ANK3: variants seen among roughly 807,000 people sequenced by gnomAD.
ANK3 encodes the protein ankyrin 3.
In ANK3, 57 loss-of-function variants were observed where a neutral mutation model predicts 370.9. That is an observed-to-expected ratio of 0.15 (90% CI 0.12 to 0.19). The LOEUF (loss-of-function observed/expected upper bound fraction) is 0.19. Among genes scored for constraint, ANK3 ranks in the 10% least tolerant of loss-of-function variants. The pLI, the probability that ANK3 is intolerant of heterozygous loss-of-function variation, is 1.00. For synonymous variants in ANK3, 1,929 were observed against 1,946.3 expected, an observed-to-expected ratio of 0.99 and a Z score of 0.23; for missense variants, 4,439 against 5,302.1, an observed-to-expected ratio of 0.84 and a Z score of 5.06.
At chr10:60,353,040 G>C (rs186236388) in intron 1 of ANK3, among the ~76,000 whole-genome samples, 185 of 152,208 alleles carry the variant, frequency 1.2e-3, no homozygotes, top group African/African-American at 4.2e-3. Context: ...CTGGAGTGCA[G>C]AGGCGTGATC....
chr10:60,462,009 C>T (rs540291081), intron 2 of ANK3, among the ~76,000 whole-genome samples: 6 of 152,110 alleles, frequency 3.9e-5, no homozygotes, highest in South Asian at 4.2e-4. Flanking sequence ...TACAGGTTTA[C>T]GGATGGGCAA....
At chr10:60,621,548 A>T (rs1388005543) in intron 1 of ANK3, among the ~76,000 whole-genome samples, 1 of 152,172 alleles carries the variant, frequency 6.6e-6, no homozygotes, top group Non-Finnish European at 1.5e-5. Context: ...GGGTCGTGTA[A>T]TTCATGGCAG....
chr10:60,171,108 A>G (rs1388652076), intron 21 of ANK3, among the ~76,000 whole-genome samples: 1 of 152,158 alleles, frequency 6.6e-6, no homozygotes, highest in Non-Finnish European at 1.5e-5. Flanking sequence ...ACTTTTTTTG[A>G]GAACTTAATG....
Position 60,075,220 on chromosome 10 carries a change from A to C in ANK3, c.5661T>G (p.Leu1887=). 6.2e-7 allele frequency: 1 copy of C among 1,614,142 alleles called. No homozygotes were observed. The highest frequency in any genetic ancestry group is 8.5e-7 in the Non-Finnish European group (1 of 1,180,016). ...ATAAAGAAGATGGTGTAGACAACTT[A>C]AGGGCAGAGGGTGCAAGGAACAAAG... ...KSSLFLAPSA[L]KLSTPSSLSS... is the part of the protein sequence containing the mutation. Residue 1887 remains leucine (L), a synonymous_variant, in exon 37 of 44, where the codon CTT becomes CTG. Coordinates refer to ENST00000280772, the MANE Select transcript of ANK3 (RefSeq NM_020987.5).
rs773386686 is a variant in ANK3, at chr10:60,076,178, G to A, written c.4703C>T (p.Ala1568Val). 12 of 1,614,050 alleles carry A rather than the reference G, an allele frequency of 7.4e-6. No homozygotes were observed. Among genetic ancestry groups the A allele is most frequent in the South Asian group, 5.5e-5 (5 of 91,092 alleles). The change falls in exon 37 of 44, where the codon GCA becomes GTA. Residue 1568 changes from alanine (A) to valine (V), a missense_variant. Physicochemically the swap from Ala to Val is moderately conservative, Grantham distance 64. Around this residue, in one of 13 missense-constraint regions of ANK3, gnomAD observed 679 missense variants for 791.0 expected, o/e 0.86. Coordinates refer to ENST00000280772, the MANE Select transcript of ANK3 (RefSeq NM_020987.5). ...TGTCCGAAAGGATCTAATTGGAGAT[G>A]CCACGTCACTAATGGATTTAACTGA... Reference protein sequence around the residue: ...TSSVKSISDVASPIRSFRTMS... With the variant: ...TSSVKSISDVVSPIRSFRTMS...
intron 1 of ANK3, among the ~76,000 whole-genome samples, chr10:60,649,551 T>G (rs2078759482): frequency 6.6e-6 from 1 of 152,194 alleles, no homozygotes; most frequent in South Asian, 2.1e-4. Flanking sequence ...TCAATTCAGC[T>G]CAACATATTT....
At chr10:60,422,836 T>A (rs1250084445) in intron 2 of ANK3, among the ~76,000 whole-genome samples, 2 of 151,910 alleles carry the variant, frequency 1.3e-5, no homozygotes, top group Non-Finnish European at 2.9e-5. Context: ...CATGTGGGAG[T>A]GATTTTCAGT....
intron 1 of ANK3, among the ~76,000 whole-genome samples, chr10:60,637,038 C>T (rs915748276): frequency 1.3e-4 from 20 of 152,192 alleles, no homozygotes; most frequent in African/African-American, 4.1e-4. Flanking sequence ...CAAACACGCC[C>T]ATAGTGCCAG....
chr10:60,712,172 C>G (rs1206437308), intron 1 of ANK3, among the ~76,000 whole-genome samples: 1 of 149,538 alleles, frequency 6.7e-6, no homozygotes, highest in Non-Finnish European at 1.5e-5. Context: ...ATAGTGAGAC[C>G]CCCCCAGTCT....
chr10:60,487,015 A>G (rs1051029543), intron 2 of ANK3, among the ~76,000 whole-genome samples: 2 of 152,194 alleles, frequency 1.3e-5, no homozygotes, highest in Non-Finnish European at 2.9e-5. Context: ...GCCATATGTA[A>G]TTATTCCCAA....
chr10:60,684,684 G>C, intron 1 of ANK3: 2 of 1,587,860 alleles, frequency 1.3e-6, no homozygotes, highest in South Asian at 2.2e-5. Context: ...AGAAAATTAA[G>C]GTAAACTTGA....
At chr10:60,435,874 C>T (rs773253556) in intron 2 of ANK3, among the ~76,000 whole-genome samples, 18 of 151,964 alleles carry the variant, frequency 1.2e-4, no homozygotes, top group Non-Finnish European at 2.5e-4. Context: ...CCGAGGCGGG[C>T]GGATCACGAG....
At chr10:60,239,603 A>G (rs1482771169) in intron 7 of ANK3, among the ~76,000 whole-genome samples, 1 of 152,218 alleles carries the variant, frequency 6.6e-6, no homozygotes, top group Admixed American at 6.5e-5. Flanking sequence ...GCAGACCTGC[A>G]ATACATAAAA....
chr10:60,275,638 C>T (rs1256552217), intron 4 of ANK3, among the ~76,000 whole-genome samples: 3 of 152,144 alleles, frequency 2.0e-5, no homozygotes, highest in African/African-American at 7.2e-5. Context: ...CATACTTGTA[C>T]TGTCTAACTT....
chr10:60,463,836 A>AT (rs78354094), intron 2 of ANK3, among the ~76,000 whole-genome samples: 40 of 151,416 alleles, frequency 2.6e-4, no homozygotes, highest in African/African-American at 7.7e-4. Context: ...CTCTAGAAAG[A>AT]TTTTTTTTTG....
intron 2 of ANK3, among the ~76,000 whole-genome samples, chr10:60,485,430 AG>A (rs2075324479): frequency 6.6e-6 from 1 of 152,200 alleles, no homozygotes; most frequent in South Asian, 2.1e-4. Context: ...GATATGTTAC[AG>A]TCATGTGGAA....
intron 25 of ANK3, among the ~76,000 whole-genome samples, chr10:60,115,091 C>T (rs539835104): frequency 1.3e-5 from 2 of 152,132 alleles, no homozygotes; most frequent in African/African-American, 2.4e-5. Flanking sequence ...AAGCTCAAAA[C>T]CTAACCAGAA....
At chr10:60,533,748 A>C (rs1004402494) in intron 2 of ANK3, among the ~76,000 whole-genome samples, 1 of 152,148 alleles carries the variant, frequency 6.6e-6, no homozygotes, top group Non-Finnish European at 1.5e-5. Context: ...TAGAGAAGAA[A>C]GTTAAGGAAG....
chr10:60,310,946 G>C (rs926330136), intron 1 of ANK3, among the ~76,000 whole-genome samples: 2 of 152,164 alleles, frequency 1.3e-5, no homozygotes, highest in African/African-American at 4.8e-5. Context: ...CGTTTTAAGG[G>C]AGAGAACACT....
Sources: gnomAD v4.1 joint callset for allele counts (sites outside exome capture counted in the v4.1 genomes callset) on GRCh38, gnomAD v4.1.1 for gene constraint, gnomAD v4.1.1 regional missense constraint, MANE v1.5 for transcripts, NCBI Gene and HGNC (gene_info 2026-07-23, HGNC 2026-07-21) for gene names.